The following SNTG2 variants were observed in gnomAD, a reference collection of about 807,000 sequenced individuals.
The protein encoded by SNTG2 is syntrophin gamma 2, also known as gamma-2-syntrophin.
In SNTG2, 74 loss-of-function variants were observed where a neutral mutation model predicts 70.9. That is an observed-to-expected ratio of 1.04 (90% CI 0.86 to 1.27). The LOEUF (loss-of-function observed/expected upper bound fraction) is 1.27, where lower values mean the gene tolerates loss of function less well. Among genes scored for constraint, SNTG2 ranks in the 50% most tolerant of loss-of-function variants. SNTG2 has a pLI of 0.00. For synonymous variants in SNTG2, 278 were observed against 273.8 expected, an observed-to-expected ratio of 1.02 and a Z score of -0.15; for missense variants, 717 against 690.7, an observed-to-expected ratio of 1.04 and a Z score of -0.43.
chr2:1,327,784 A>C (rs1222147748), intron 16 of SNTG2, among the ~76,000 whole-genome samples: 1 of 152,240 alleles, frequency 6.6e-6, no homozygotes, highest in East Asian at 1.9e-4. Context: ...ATTCTTACTC[A>C]AATTACCTGA....
intron 1 of SNTG2, among the ~76,000 whole-genome samples, chr2:1,033,235 G>A (rs528530753): frequency 1.3e-5 from 2 of 152,294 alleles, no homozygotes; most frequent in African/African-American, 4.8e-5. Flanking sequence ...CAATTGTGAT[G>A]CTAAACAGTG....
At chr2:1,244,005 G>T (rs895338513) in intron 11 of SNTG2, among the ~76,000 whole-genome samples, 1 of 152,204 alleles carries the variant, frequency 6.6e-6, no homozygotes, top group Non-Finnish European at 1.5e-5. Context: ...CAGCCCGGGC[G>T]ACAGAGCAAG....
intron 8 of SNTG2, among the ~76,000 whole-genome samples, chr2:1,178,806 T>C (rs1353910414): frequency 1.3e-5 from 2 of 152,238 alleles, no homozygotes; most frequent in East Asian, 1.9e-4. Flanking sequence ...ATCAGGATGA[T>C]GCTGGCCTCA....
chr2:1,269,664 C>T (rs1429175052), intron 14 of SNTG2, among the ~76,000 whole-genome samples: 1 of 152,028 alleles, frequency 6.6e-6, no homozygotes, highest in African/African-American at 2.4e-5. Flanking sequence ...GAAGGCATTC[C>T]CAGTGGGAAG....
chr2:1,364,802 C>T (rs1396138017), intron 16 of SNTG2, among the ~76,000 whole-genome samples: 1 of 150,948 alleles, frequency 6.6e-6, no homozygotes, highest in Non-Finnish European at 1.5e-5. Flanking sequence ...CCCAGCTACT[C>T]AGGAGGCTGA....
chr2:1,322,709 C>T (rs1436869514), intron 16 of SNTG2, among the ~76,000 whole-genome samples: 1 of 151,856 alleles, frequency 6.6e-6, no homozygotes, highest in Non-Finnish European at 1.5e-5. Context: ...TACTGGGGTA[C>T]CTGAGTAATC....
At chr2:951,822 C>T (rs975166577) in intron 1 of SNTG2, among the ~76,000 whole-genome samples, 1 of 152,110 alleles carries the variant, frequency 6.6e-6, no homozygotes, top group African/African-American at 2.4e-5. Flanking sequence ...AGGAGGCTGC[C>T]GAGAAGCGCG....
chr2:1,268,106 T>C (rs1489029085), intron 14 of SNTG2, among the ~76,000 whole-genome samples: 1 of 152,160 alleles, frequency 6.6e-6, no homozygotes, highest in East Asian at 1.9e-4. Context: ...ATGTATACCA[T>C]GTGAAGGGAT....
intron 6 of SNTG2, among the ~76,000 whole-genome samples, chr2:1,140,602 AG>A (rs1668683814): frequency 6.6e-6 from 1 of 152,356 alleles, no homozygotes; most frequent in African/African-American, 2.4e-5. Context: ...CCCCACAGGC[AG>A]GGCGCAGAAC....
chr2:1,257,231 G>A (rs548456740), intron 12 of SNTG2, among the ~76,000 whole-genome samples: 3 of 152,152 alleles, frequency 2.0e-5, no homozygotes, highest in East Asian at 1.9e-4. Flanking sequence ...TCCGAAGCCC[G>A]ACCACCTTCT....
rs143205256 is a variant in SNTG2, at chr2:1,294,265, G to T, written c.1285-14229G>T. ...AGACCCCAACCCTCAGATCCCATTA[G>T]GGACAGACCCCAACCCTCAGGTCCC... On this transcript the variant is annotated intron_variant, in intron 14 of 16. Coordinates refer to ENST00000308624, the MANE Select transcript of SNTG2 (RefSeq NM_018968.4). Among the ~76,000 whole-genome samples, 636 of 152,166 alleles carry T rather than the reference G, an allele frequency of 4.2e-3. 3 individuals are homozygous for T. The highest frequency in any genetic ancestry group is 0.014 in the African/African-American group (580 of 41,514).
intron 9 of SNTG2, among the ~76,000 whole-genome samples, chr2:1,221,257 TCAGAGG>T (rs1674750069): frequency 2.6e-5 from 1 of 39,100 alleles, no homozygotes; most frequent in African/African-American, 1.1e-4. Context: ...TCTCTGTCTC[TCAGAGG>T]TCTGTCTCTG....
At chr2:1,335,525 T>C (rs1659775993) in intron 16 of SNTG2, among the ~76,000 whole-genome samples, 1 of 152,168 alleles carries the variant, frequency 6.6e-6, no homozygotes, top group South Asian at 2.1e-4. Context: ...TGTAGGTAAG[T>C]AAAGCCAGTC....
intron 14 of SNTG2, among the ~76,000 whole-genome samples, chr2:1,281,220 T>G (rs1679500857): frequency 2.1e-5 from 3 of 143,132 alleles, no homozygotes; most frequent in Non-Finnish European, 3.1e-5. Context: ...TGTGTGTGTG[T>G]TTGTGTTTAT....
chr2:1,182,392 A>G (rs1434556970), intron 8 of SNTG2, among the ~76,000 whole-genome samples: 1 of 150,934 alleles, frequency 6.6e-6, no homozygotes, highest in African/African-American at 2.4e-5. Context: ...AATCAAAAAG[A>G]CTCTGGTCAT....
In SNTG2 at chr2:1,296,229, G is replaced by A. The variant is rs79204354; in HGVS notation, c.1285-12265G>A. ...TGCTGATCTACTCATCCTGGAATTG[G>A]TTAGAATAATGACAGCAAGCACAGC... On this transcript the variant is annotated intron_variant, in intron 14 of 16. Coordinates refer to ENST00000308624, the MANE Select transcript of SNTG2 (RefSeq NM_018968.4). Among the ~76,000 whole-genome samples the A allele has an allele frequency of 7.9e-5, 12 of 152,356 alleles. No individual in the cohort carries two copies. The East Asian group carries it at 2.3e-3, about 29-fold the overall frequency.
chr2:1,077,979 G>C (rs1232067248), intron 1 of SNTG2, among the ~76,000 whole-genome samples: 1 of 152,156 alleles, frequency 6.6e-6, no homozygotes, highest in Non-Finnish European at 1.5e-5. Context: ...TGGCATCGTG[G>C]TGGATTTTAT....
At chr2:1,232,064 C>G (rs970562747) in intron 9 of SNTG2, among the ~76,000 whole-genome samples, 1 of 152,168 alleles carries the variant, frequency 6.6e-6, no homozygotes, top group Non-Finnish European at 1.5e-5. Flanking sequence ...ACTCACTGGC[C>G]TCAGCATGGC....
intron 2 of SNTG2, among the ~76,000 whole-genome samples, chr2:1,094,116 G>C (rs1461907113): frequency 1.6e-5 from 2 of 123,138 alleles, no homozygotes; most frequent in African/African-American, 6.7e-5. Context: ...TGCCTTCCTG[G>C]CTTGCAGGCG....
Sources: gnomAD v4.1 joint callset for allele counts (sites outside exome capture counted in the v4.1 genomes callset) on GRCh38, gnomAD v4.1.1 for gene constraint, MANE v1.5 for transcripts, NCBI Gene and HGNC (gene_info 2026-07-23, HGNC 2026-07-21) for gene names.